BLTP1: variants seen among roughly 807,000 people sequenced by gnomAD.
BLTP1 encodes the protein fragile site-associated protein.
the BLTP1 span, chr4:122,310,771 C>T: frequency 6.0e-6 from 1 of 166,350 alleles, no homozygotes; most frequent in African/African-American, 2.4e-5. Flanking sequence ...TGACAAGGTG[C>T]CATTTTAGAA....
chr4:122,246,973 C>T, the BLTP1 span: 1 of 885,890 alleles, frequency 1.1e-6, no homozygotes, highest in African/African-American at 1.8e-5. Context: ...TAACATATGT[C>T]TTTAAAAAAT....
At chr4:122,305,352 G>A in the BLTP1 span, 13 of 948,218 alleles carry the variant, frequency 1.4e-5, no homozygotes, top group Non-Finnish European at 1.6e-5. Flanking sequence ...TCTGCATATA[G>A]TAATGTTAAA....
the BLTP1 span, among the ~76,000 whole-genome samples, chr4:122,318,656 A>G: frequency 5.9e-5 from 9 of 152,248 alleles, no homozygotes; most frequent in African/African-American, 2.2e-4. Flanking sequence ...CACCTATCCC[A>G]TTCTCCCAGG....
At chr4:122,323,751 C>T in the BLTP1 span, among the ~76,000 whole-genome samples, 2 of 150,036 alleles carry the variant, frequency 1.3e-5, no homozygotes, top group African/African-American at 5.1e-5. Flanking sequence ...TAAAATATTA[C>T]TTGTGTCCTG....
At chr4:122,324,372 C>A in the BLTP1 span, 2 of 1,540,062 alleles carry the variant, frequency 1.3e-6, no homozygotes, top group Non-Finnish European at 8.8e-7. Flanking sequence ...TATTTGAAGT[C>A]AAATACAGTA....
the BLTP1 span, among the ~76,000 whole-genome samples, chr4:122,268,424 A>G: frequency 1.4e-3 from 206 of 152,258 alleles, 2 homozygotes; most frequent in Non-Finnish European, 2.2e-3. Context: ...TTTCAATGTC[A>G]TGAAATAATC....
the BLTP1 span, chr4:122,349,702 T>A: frequency 6.5e-7 from 1 of 1,540,638 alleles, no homozygotes; most frequent in Non-Finnish European, 8.8e-7. This position sits in a 1 kb window ranked among gnomAD's most constrained non-coding sequence, Gnocchi z 4.5. Flanking sequence ...ATATTGTCTA[T>A]CATCTGGTGA....
At chr4:122,170,739 T>G in the BLTP1 span, 1 of 1,589,388 alleles carries the variant, frequency 6.3e-7, no homozygotes, top group Non-Finnish European at 8.6e-7. Flanking sequence ...GTTTGGCTCC[T>G]TGTTGGTAAG....
chr4:122,350,261 G>T, the BLTP1 span: 6 of 985,398 alleles, frequency 6.1e-6, no homozygotes, highest in Non-Finnish European at 7.2e-6. Flanking sequence ...CATTTAGGAA[G>T]ACATCATTTG....
the BLTP1 span, among the ~76,000 whole-genome samples, chr4:122,312,515 T>A: frequency 6.6e-6 from 1 of 152,188 alleles, no homozygotes; most frequent in African/African-American, 2.4e-5. Context: ...ATGTGGGTCT[T>A]ATTGTTCAGA....
At chr4:122,313,740 T>C in the BLTP1 span, 4 of 1,085,658 alleles carry the variant, frequency 3.7e-6, no homozygotes, top group African/African-American at 1.6e-5. Flanking sequence ...GCCTTTATTT[T>C]AATGGCAAGA....
At chr4:122,173,007 A>G in the BLTP1 span, 1 of 1,610,740 alleles carries the variant, frequency 6.2e-7, no homozygotes, top group Non-Finnish European at 8.5e-7. Context: ...AGTAAATCCT[A>G]TTATTTCTGA....
At chr4:122,156,427 A>G in the BLTP1 span, among the ~76,000 whole-genome samples, 1 of 152,168 alleles carries the variant, frequency 6.6e-6, no homozygotes, top group Non-Finnish European at 1.5e-5. Flanking sequence ...AAGTCAGTGG[A>G]AGAACCGAGT....
chr4:122,317,332 C>CA, the BLTP1 span, among the ~76,000 whole-genome samples: 216 of 131,748 alleles, frequency 1.6e-3, no homozygotes, highest in Middle Eastern at 3.9e-3. Context: ...ACTCCATCTC[C>CA]AAAAAAAAAA....
At chr4:122,346,024 CTTAGCGGG>C in the BLTP1 span, 4 of 984,718 alleles carry the variant, frequency 4.1e-6, no homozygotes, top group Non-Finnish European at 4.8e-6. Context: ...AGACAACTGA[CTTAGCGGG>C]TATCGCTATG....
At chr4:122,169,267 G>T in the BLTP1 span, among the ~76,000 whole-genome samples, 1 of 152,108 alleles carries the variant, frequency 6.6e-6, no homozygotes, top group Non-Finnish European at 1.5e-5. Context: ...AACTTGTTTT[G>T]TGATGTCCAA....
chr4:122,229,276 G>C, the BLTP1 span: 3 of 1,505,310 alleles, frequency 2.0e-6, no homozygotes, highest in African/African-American at 2.8e-5. Context: ...GTGCTTTTTC[G>C]TTTTTACTAA....
the BLTP1 span, among the ~76,000 whole-genome samples, chr4:122,346,160 T>A: frequency 2.6e-5 from 4 of 152,226 alleles, no homozygotes; most frequent in South Asian, 8.3e-4. Flanking sequence ...AGAAGAATGC[T>A]CCAGAGCAGA....
At chr4:122,323,499 C>A in the BLTP1 span, among the ~76,000 whole-genome samples, 1 of 147,758 alleles carries the variant, frequency 6.8e-6, no homozygotes. Context: ...ACATGAAAAA[C>A]ATATTAAATC....
Sources: gnomAD v4.1 joint callset for allele counts (sites outside exome capture counted in the v4.1 genomes callset) on GRCh38, gnomAD v4.1.1 for gene constraint, Gnocchi (gnomAD v3.1) non-coding constraint, MANE v1.5 for transcripts, NCBI Gene and HGNC (gene_info 2026-07-23, HGNC 2026-07-21) for gene names.